DCST2: variants seen among roughly 807,000 people sequenced by gnomAD.
The protein encoded by DCST2 is DC-STAMP domain containing 2, also known as DC-STAMP domain-containing protein 2.
In DCST2, 64 loss-of-function variants were observed where a neutral mutation model predicts 81.8. That is an observed-to-expected ratio of 0.78 (90% confidence interval 0.64 to 0.96). The LOEUF (loss-of-function observed/expected upper bound fraction) is 0.96. Among genes scored for constraint, DCST2 ranks in the 40% least tolerant of loss-of-function variants. The pLI is 0.00. For missense variants in DCST2, 945 were observed against 1,001.4 expected (o/e 0.94, Z 0.76); for synonymous variants, 354 against 402.6 (o/e 0.88, Z 1.44).
Position 155,032,906 on chromosome 1 carries a change from C to A in DCST2, c.440-138G>T, listed in dbSNP as rs187680978. 7.5e-5 allele frequency: 77 copies of A among 1,031,440 alleles called. No homozygotes were observed. The African/African-American group carries it at 1.1e-3, about 15-fold the overall frequency. 63.9% of individuals were successfully genotyped at this position (1,031,440 alleles called of 1,614,324 possible). Reference sequence around the variant, plus strand: ...GCCTGGATTCTGGGGCCTGGGAGATCGTTAATCTGGGAGTGGAGGAGGCCA... The same window carrying A: ...GCCTGGATTCTGGGGCCTGGGAGATAGTTAATCTGGGAGTGGAGGAGGCCA... On this transcript the variant is annotated intron_variant, in intron 2 of 14. Transcript: ENST00000368424.
chr1:155,029,154 G>A (rs1425581120), intron 8 of DCST2, 79 bp downstream of exon 8: 11 of 1,530,766 alleles, frequency 7.2e-6, no homozygotes, highest in Admixed American at 3.7e-5. Context: ...AGAAGGCTTG[G>A]GAGCAGGCGG....
At chr1:155,031,918 G>A (rs553357449) in intron 3 of DCST2, 147 bp from the exon 4 acceptor site, 101 of 815,358 alleles carry the variant, frequency 1.2e-4, no homozygotes, top group African/African-American at 1.1e-3. Context: ...ACTAGCCAGC[G>A]CCCAGAAGGG....
At position 155,023,270 on chromosome 1, in the gene DCST2, C is replaced by G. The variant is rs1280522506; in HGVS notation, c.1965-13G>C. 1 of 1,614,086 alleles carries G rather than the reference C, an allele frequency of 6.2e-7. No homozygotes were observed. Among genetic ancestry groups the G allele is most frequent in the Admixed American group, 1.7e-5 (1 of 60,006 alleles). On this transcript the variant is annotated splice_polypyrimidine_tract_variant and intron_variant, in intron 13 of 14. Coordinates refer to ENST00000368424, the MANE Select transcript of DCST2 (RefSeq NM_144622.3). The stretch of plus-strand genomic sequence containing the variant: ...ATCGCTGGAGTCCCTGGAGAAGACT[C>G]TCATCTCAGTGGCCTGCAGACATCC...
Position 155,031,680 on chromosome 1 carries a change from C to A in DCST2, c.633G>T (p.Arg211=). 2 of 1,614,172 alleles carry A rather than the reference C, an allele frequency of 1.2e-6. No homozygotes were observed. The highest frequency in any genetic ancestry group is 1.1e-5 in the South Asian group (1 of 91,084). ...ELGNPYLKCA[R]VFDDAKDSCM... Reference sequence around the variant, plus strand: ...AGCTGTCCTTGGCATCATCGAAAACCCGTGCACACTTCAGGTAAGGGTTGC... The same window carrying A: ...AGCTGTCCTTGGCATCATCGAAAACACGTGCACACTTCAGGTAAGGGTTGC... Residue 211 remains arginine, a synonymous_variant, in exon 4 of 15, where the codon CGG becomes CGT. Transcript: ENST00000368424.
chr1:155,031,294 C>G (rs780650722), intron 4 of DCST2, 60 bp from the exon 5 acceptor site: 5 of 1,484,544 alleles, frequency 3.4e-6, no homozygotes, highest in African/African-American at 2.8e-5. Context: ...TGCCCCCGAC[C>G]TCTGGAGACC....
At chr1:155,030,873 GC>G (rs1660054489) in intron 5 of DCST2, 1 of 608,668 alleles carries the variant, frequency 1.6e-6, no homozygotes, top group African/African-American at 1.8e-5. Context: ...TGCAACAGAT[GC>G]CCCTAAGGAA....
At position 155,031,238 on chromosome 1, in the gene DCST2, AG is replaced by A; in HGVS notation, c.740-5del. ...ATGACGCAGAACACCTGGACCACTG[AG>A]GGGCGGAGTCGGCTGAGTGTCGGAA... On this transcript the variant is annotated splice_polypyrimidine_tract_variant and splice_region_variant and intron_variant, in intron 4 of 14. Coordinates refer to ENST00000368424, the MANE Select transcript of DCST2 (RefSeq NM_144622.3). The A allele has an allele frequency of 6.4e-7, 1 of 1,573,382 alleles. No homozygotes were observed. The highest frequency in any genetic ancestry group is 1.9e-5 in the Admixed American group (1 of 52,162).
At position 155,033,664 on chromosome 1, in the gene DCST2, C is replaced by T. The variant is rs745672147; in HGVS notation, c.38G>A (p.Gly13Glu). 5.0e-6 allele frequency: 8 copies of T among 1,614,186 alleles called. No homozygotes were observed. The highest frequency in any genetic ancestry group is 1.6e-4 in the Middle Eastern group (1 of 6,062). ...TCTCGCCATGCTAGGCTCCTCTCCC[C>T]CCAAGGGGTGCACAACATCCTTCAT... ...KVMKDVVHPL[G>E]GEEPSMARAV... Residue 13 changes from glycine (G) to glutamate (E), a missense_variant, in exon 1 of 15, where the codon GGG (glycine) becomes GAG (glutamate). Physicochemically the swap from Gly to Glu is moderately conservative, Grantham distance 98 (BLOSUM62 -2). Coordinates refer to ENST00000368424, the MANE Select transcript of DCST2 (RefSeq NM_144622.3).
Position 155,031,176 on chromosome 1 carries a change from G to C in DCST2, c.798C>G (p.Ile266Met), listed in dbSNP as rs915404709. 6.3e-7 allele frequency: 1 copy of C among 1,590,688 alleles called. No individual in the cohort carries two copies. Among genetic ancestry groups the C allele is most frequent in the Non-Finnish European group, 8.5e-7 (1 of 1,171,546 alleles). ...CAGGAGGGGGTCACTCACGGGTGCCGATGGTCTGGCGCAAGAAGGGTTGAA... is the reference window on the plus strand; with the variant it reads ...CAGGAGGGGGTCACTCACGGGTGCCCATGGTCTGGCGCAAGAAGGGTTGAA... ...KYIQPFLRQT[I>M]GTPVIQLLNR... is the part of the protein sequence containing the mutation. Residue 266 changes from isoleucine (I) to methionine (M), a missense_variant, in exon 5 of 15, where the codon ATC becomes ATG. Physicochemically the swap from Ile to Met is conservative, Grantham distance 10 (BLOSUM62 1). Coordinates refer to ENST00000368424, the MANE Select transcript of DCST2 (RefSeq NM_144622.3).
chr1:155,033,448 G>T lies in DCST2; in HGVS notation c.254C>A (p.Pro85His). 1.2e-6 allele frequency: 2 copies of T among 1,613,540 alleles called. No homozygotes were observed. Among genetic ancestry groups the T allele is most frequent in the Admixed American group, 3.3e-5 (2 of 60,008 alleles). Residue 85 changes from proline to histidine, a missense_variant, in exon 1 of 15, where the codon CCT becomes CAT. Transcript: ENST00000368424. The stretch of plus-strand genomic sequence containing the variant: ...GCCAAGCTCACTGGAGAAGGCCTGA[G>T]GCAGCAGCAGGAGGACAGTGGCTCG... ...QVRATVLLLLPQAFSRQGRTL... is the reference protein window; with the variant it reads ...QVRATVLLLLHQAFSRQGRTL...
At chr1:155,022,143 A>G (rs955710961) in intron 14 of DCST2, among the ~76,000 whole-genome samples, 20 of 152,204 alleles carry the variant, frequency 1.3e-4, no homozygotes, top group Admixed American at 3.3e-4. Flanking sequence ...CTAGGATTAC[A>G]GGCATGAGCC....
intron 8 of DCST2, 57 bp from the exon 9 acceptor site, chr1:155,026,772 C>T: frequency 1.2e-6 from 2 of 1,600,596 alleles, no homozygotes; most frequent in South Asian, 1.1e-5. Flanking sequence ...CAGAAAACCC[C>T]ACACCTTCTG....
At position 155,024,597 on chromosome 1, in the gene DCST2, C is replaced by T. The variant is rs779165267; in HGVS notation, c.1617G>A (p.Arg539=). The T allele has an allele frequency of 1.9e-6, 3 of 1,598,766 alleles. No homozygotes were observed. In the South Asian group the frequency reaches 3.4e-5, roughly 18 times the overall value. Residue 539 remains arginine, a synonymous_variant, in exon 11 of 15, where the codon AGG becomes AGA. Transcript: ENST00000368424. The part of the protein sequence containing the change: ...ASYYPSREQE[R]ISYLYNVLLS... Reference sequence around the variant, plus strand: ...GAAGTACATTGTACAGGTAGGAGATCCTCTCCTGGTGCGGGGAGATCAGGG... The same window carrying T: ...GAAGTACATTGTACAGGTAGGAGATTCTCTCCTGGTGCGGGGAGATCAGGG...
At chr1:155,018,890 G>A in intron 14 of DCST2, 130 bp from the exon 15 acceptor site, 1 of 883,484 alleles carries the variant, frequency 1.1e-6, no homozygotes, top group South Asian at 1.7e-5. Context: ...TGCTCTCTCA[G>A]GCCCACGAGG....
intron 5 of DCST2, 30 bp from the exon 6 acceptor site, chr1:155,030,675 G>C: frequency 6.2e-7 from 1 of 1,612,104 alleles, no homozygotes; most frequent in East Asian, 2.2e-5. Flanking sequence ...GGGAGACGTG[G>C]GCAAGGAGAG....
intron 14 of DCST2, among the ~76,000 whole-genome samples, chr1:155,019,740 C>T (rs1002919916): frequency 6.8e-6 from 1 of 148,146 alleles, no homozygotes; most frequent in Non-Finnish European, 1.5e-5. Flanking sequence ...ACCTGTGAAT[C>T]CTATTCATGG....
At chr1:155,025,768 AGCTCACTACAGCCTTGAATTCCTCG>A (rs1303641558) in intron 10 of DCST2, among the ~76,000 whole-genome samples, 1 of 151,404 alleles carries the variant, frequency 6.6e-6, no homozygotes, top group Non-Finnish European at 1.5e-5. Flanking sequence ...GTGCAATCAT[AGCTCACTACAGCCTTGAATTCCTCG>A]GCTCAAGCGA....
intron 1 of DCST2, 63 bp from the exon 2 acceptor site, chr1:155,033,327 C>A: frequency 6.3e-7 from 1 of 1,586,734 alleles, no homozygotes; most frequent in Non-Finnish European, 8.6e-7. Context: ...AAGTCCCTTA[C>A]ATAAGCCTTC....
intron 4 of DCST2, 59 bp downstream of exon 4, chr1:155,031,515 T>TTGCCCCCCCCCCCCCCCCC: frequency 1.6e-6 from 1 of 643,126 alleles, no homozygotes; most frequent in Non-Finnish European, 2.9e-6. Flanking sequence ...ACCCCCACAT[T>TTGCCCCCCCCCCCCCCCCC]CCCACCCCAC....
Sources: allele counts gnomAD v4.1 joint callset (sites outside exome capture counted in the v4.1 genomes callset), GRCh38; gene constraint gnomAD v4.1.1; transcripts MANE v1.5; gene names NCBI Gene and HGNC (gene_info 2026-07-23, HGNC 2026-07-21).